The following TMEM81 variants were observed in gnomAD, a reference collection of about 807,000 sequenced individuals.
TMEM81 encodes the protein transmembrane protein 81.
For synonymous variants in TMEM81, 132 were observed against 119.1 expected (o/e 1.11, Z -0.71); for missense variants, 294 against 300.5 (o/e 0.98, Z 0.16).
chr1:205,084,313 A>C lies in TMEM81; in HGVS notation c.8T>G (p.Val3Gly). Residue 3 changes from valine (V) to glycine (G), a missense_variant, in exon 1 of 1, where the codon GTT (valine) becomes GGT (glycine). Coordinates refer to ENST00000367167, the MANE Select transcript of TMEM81 (RefSeq NM_203376.2). MK[V>G]LATSFVLGSL... ...CCCAAGGACAAAACTAGTGGCTAAAACCTTCATGTCTCGGTAGGCGTTTTG... is the reference window on the plus strand; with the variant it reads ...CCCAAGGACAAAACTAGTGGCTAAACCCTTCATGTCTCGGTAGGCGTTTTG... The C allele has an allele frequency of 6.2e-7, 1 of 1,610,124 alleles. No individual in the cohort carries two copies. Among genetic ancestry groups the C allele is most frequent in the South Asian group, 1.1e-5 (1 of 90,560 alleles).
Position 205,083,718 on chromosome 1 carries a change from T to G in TMEM81, c.603A>C (p.Ile201=). ...HQSLTEDQKL[I]DEGLEVNLDS... ...CCAGATTAACTTCCAATCCCTCATC[T>G]ATTAACTTCTGATCCTCAGTAAGTG... is the stretch of plus-strand genomic sequence containing the variant. Residue 201 remains isoleucine (I), a synonymous_variant, in exon 1 of 1, where the codon ATA becomes ATC. Coordinates refer to ENST00000367167, the MANE Select transcript of TMEM81 (RefSeq NM_203376.2). 4 of 1,614,220 alleles carry G rather than the reference T, an allele frequency of 2.5e-6. No individual in the cohort carries two copies. The highest frequency in any genetic ancestry group is 3.4e-6 in the Non-Finnish European group (4 of 1,180,042).
In TMEM81 at chr1:205,083,960, A is replaced by C. The variant is rs781142983; in HGVS notation, c.361T>G (p.Trp121Gly). The change falls in exon 1 of 1, where the codon TGG (tryptophan) becomes GGG (glycine). Residue 121 changes from tryptophan to glycine, a missense_variant. Transcript: ENST00000367167. ...GAGATGACACCTCGAGCAAGTCTCC[A>C]GGTGAACCGGAAAGCTTCCTGTCCA... is the stretch of plus-strand genomic sequence containing the variant. Reference protein sequence around the residue: ...EFGQEAFRFTWRLARGVISTD... With the variant: ...EFGQEAFRFTGRLARGVISTD... 8 of 1,614,248 alleles carry C rather than the reference A, an allele frequency of 5.0e-6. No homozygotes were observed. Among genetic ancestry groups the C allele is most frequent in the Non-Finnish European group, 6.8e-6 (8 of 1,180,038 alleles).
chr1:205,084,400 T>A lies in TMEM81; in HGVS notation c.-80A>T. ...AATCCTCTATAAATCATAACTTGAT[T>A]CCTTTGACATGAGATATCCTTCAAA... is the stretch of plus-strand genomic sequence containing the variant. On this transcript the variant is annotated 5_prime_UTR_variant, in exon 1 of 1. Coordinates refer to ENST00000367167, the MANE Select transcript of TMEM81 (RefSeq NM_203376.2). 1 of 1,427,462 alleles carries A rather than the reference T, an allele frequency of 7.0e-7. No homozygotes were observed. Among genetic ancestry groups the A allele is most frequent in the Non-Finnish European group, 9.5e-7 (1 of 1,050,462 alleles). The allele number at this position is 1,427,462 out of a possible 1,614,324, so 88.4% of individuals were successfully genotyped here. A position where few individuals can be genotyped will look rare whatever the true frequency, so the allele number is the denominator to read the frequency against.
chr1:205,083,666 T>C lies in TMEM81; in HGVS notation c.655A>G (p.Lys219Glu), dbSNP rs776744147. Residue 219 changes from lysine to glutamate, a missense_variant, in exon 1 of 1, where the codon AAG becomes GAG. Transcript: ENST00000367167. ...LDSYSKPHHP[K>E]WKKKVASALG... is the part of the protein sequence containing the mutation. ...GCTGACGCCACCTTCTTTTTCCACT[T>C]TGGGTGGTGAGGCTTGGAGTAGCTG... 6.2e-7 allele frequency: 1 copy of C among 1,614,230 alleles called. No individual in the cohort carries two copies. The highest frequency in any genetic ancestry group is 1.1e-5 in the South Asian group (1 of 91,086).
In TMEM81 at chr1:205,083,452, G is replaced by C. The variant is rs1326570314; in HGVS notation, c.*101C>G. ...TTGGCTGTGGGAGTGTTCCCTCTAA[G>C]CTGATCCACTACCAGCAGCTGGAAC... On this transcript the variant is annotated 3_prime_UTR_variant, in exon 1 of 1. Transcript: ENST00000367167. The C allele has an allele frequency of 9.7e-6, 13 of 1,346,562 alleles. No individual in the cohort carries two copies. The highest frequency in any genetic ancestry group is 1.2e-5 in the Non-Finnish European group (12 of 985,630). 83.4% of individuals were successfully genotyped at this position (1,346,562 alleles called of 1,614,324 possible).
Position 205,083,149 on chromosome 1 carries a change from G to GA in TMEM81, c.*403dup, listed in dbSNP as rs1027841493. ...ACAGCTACTGTGAATTACTTTTATTGAAAAAAAATGTTCACTAAAAAGGCT... is the reference window on the plus strand; with the variant it reads ...ACAGCTACTGTGAATTACTTTTATTGAAAAAAAAATGTTCACTAAAAAGGCT... On this transcript the variant is annotated 3_prime_UTR_variant, in exon 1 of 1. Coordinates refer to ENST00000367167, the MANE Select transcript of TMEM81 (RefSeq NM_203376.2). 6.0e-5 allele frequency: 10 copies of GA among 165,684 alleles called. No individual in the cohort carries two copies. The highest frequency in any genetic ancestry group is 1.0e-4 in the Non-Finnish European group (8 of 77,758). 10.3% of individuals were successfully genotyped at this position (165,684 alleles called of 1,614,324 possible). A position where few individuals can be genotyped will look rare whatever the true frequency, so the allele number is the denominator to read the frequency against.
chr1:205,083,567 C>G lies in TMEM81; in HGVS notation c.754G>C (p.Gly252Arg). The part of the protein sequence containing the change: ...VRIVLCALRG[G>R]LQQ ...TCTTGAAGCTGTCACTGCTGCAGGC[C>G]CCCCCTTAGCGCACAGAGGACAATC... Residue 252 changes from glycine to arginine, a missense_variant, in exon 1 of 1, where the codon GGC becomes CGC. Coordinates refer to ENST00000367167, the MANE Select transcript of TMEM81 (RefSeq NM_203376.2). The G allele has an allele frequency of 1.2e-6, 2 of 1,604,562 alleles. No individual in the cohort carries two copies. The highest frequency in any genetic ancestry group is 1.7e-6 in the Non-Finnish European group (2 of 1,173,380).
chr1:205,084,089 G>A lies in TMEM81; in HGVS notation c.232C>T (p.Arg78Cys), dbSNP rs780896836. Residue 78 changes from arginine to cysteine, a missense_variant, in exon 1 of 1, where the codon CGC becomes TGC. By Grantham distance (180) the Arg-to-Cys change is radical. Transcript: ENST00000367167. Reference sequence around the variant, plus strand: ...ATCCAGTTGGTCAGACATTCTAAGCGCCGAGTCTGACATTTCCTTCTCACT... The same window carrying A: ...ATCCAGTTGGTCAGACATTCTAAGCACCGAGTCTGACATTTCCTTCTCACT... ...DGVRRKCQTR[R>C]LECLTNWICG... is the part of the protein sequence containing the mutation. 1.2e-6 allele frequency: 2 copies of A among 1,614,166 alleles called. No homozygotes were observed. The highest frequency in any genetic ancestry group is 8.5e-7 in the Non-Finnish European group (1 of 1,180,028).
chr1:205,083,351 C>T lies in TMEM81; in HGVS notation c.*202G>A, dbSNP rs1655057167. On this transcript the variant is annotated 3_prime_UTR_variant, in exon 1 of 1. Coordinates refer to ENST00000367167, the MANE Select transcript of TMEM81 (RefSeq NM_203376.2). ...GGGCAGGGAAGATCAGGAAGAGATC[C>T]ATGGGACATAAGGAAGTTAGGTTAC... is the stretch of plus-strand genomic sequence containing the variant. The T allele has an allele frequency of 7.2e-6, 4 of 559,236 alleles. No homozygotes were observed. The highest frequency in any genetic ancestry group is 6.9e-5 in the Admixed American group (2 of 29,106). The allele number at this position is 559,236 out of a possible 1,614,324, so 34.6% of individuals were successfully genotyped here.
rs1259485077 is a variant in TMEM81, at chr1:205,083,728, T to C, written c.593A>G (p.Gln198Arg). 3 of 1,614,142 alleles carry C rather than the reference T, an allele frequency of 1.9e-6. No homozygotes were observed. In the East Asian group the frequency reaches 6.7e-5, roughly 36 times the overall value. The change falls in exon 1 of 1, where the codon CAG (glutamine) becomes CGG (arginine). Residue 198 changes from glutamine (Q) to arginine (R), a missense_variant. Coordinates refer to ENST00000367167, the MANE Select transcript of TMEM81 (RefSeq NM_203376.2). ...TTCCAATCCCTCATCTATTAACTTC[T>C]GATCCTCAGTAAGTGACTGATGGAA... The part of the protein sequence containing the change: ...LNFHQSLTED[Q>R]KLIDEGLEVN...
chr1:205,084,394 C>A lies in TMEM81; in HGVS notation c.-74G>T. ...CAGCTGAATCCTCTATAAATCATAA[C>A]TTGATTCCTTTGACATGAGATATCC... is the stretch of plus-strand genomic sequence containing the variant. On this transcript the variant is annotated 5_prime_UTR_variant, in exon 1 of 1. Coordinates refer to ENST00000367167, the MANE Select transcript of TMEM81 (RefSeq NM_203376.2). 2 of 1,467,960 alleles carry A rather than the reference C, an allele frequency of 1.4e-6. No homozygotes were observed. The highest frequency in any genetic ancestry group is 1.8e-6 in the Non-Finnish European group (2 of 1,085,018). 90.9% of individuals were successfully genotyped at this position (1,467,960 alleles called of 1,614,324 possible).
Position 205,084,001 on chromosome 1 carries a change from G to C in TMEM81, c.320C>G (p.Ser107Ter). The change falls in exon 1 of 1, where the codon TCA becomes TGA. Residue 107 changes from serine to a stop codon, truncating the protein, a stop_gained. Coordinates refer to ENST00000367167, the MANE Select transcript of TMEM81 (RefSeq NM_203376.2). LOFTEE classifies it low-confidence loss of function (END_TRUNC). ...TTCCTGTCCAAACTCCAAGATGTCT[G>C]AACTCAGACAGCTAAGCTCAAATTC... ...GKEFELSCLS[S>*]DILEFGQEAF... 1 of 1,614,202 alleles carries C rather than the reference G, an allele frequency of 6.2e-7. No homozygotes were observed.
In TMEM81 at chr1:205,084,365, A is replaced by G; in HGVS notation, c.-45T>C. ...CACCCTCAGCCAGCACCCACAAGGTATTCCAGCTGAATCCTCTATAAATCA... is the reference window on the plus strand; with the variant it reads ...CACCCTCAGCCAGCACCCACAAGGTGTTCCAGCTGAATCCTCTATAAATCA... On this transcript the variant is annotated 5_prime_UTR_variant, in exon 1 of 1. Coordinates refer to ENST00000367167, the MANE Select transcript of TMEM81 (RefSeq NM_203376.2). 1 of 1,566,534 alleles carries G rather than the reference A, an allele frequency of 6.4e-7. No homozygotes were observed. Among genetic ancestry groups the G allele is most frequent in the Non-Finnish European group, 8.6e-7 (1 of 1,157,542 alleles).
rs16855059 is a variant in TMEM81, at chr1:205,084,022, A to G, written c.299T>C (p.Phe100Ser). ...GTCTGAACTCAGACAGCTAAGCTCA[A>G]ATTCCTTGCCAATGAGAATGGTGAA... ...LHFTILIGKEFELSCLSSDIL... is the reference protein window; with the variant it reads ...LHFTILIGKESELSCLSSDIL... Residue 100 changes from phenylalanine to serine, a missense_variant, in exon 1 of 1, where the codon TTT (phenylalanine) becomes TCT (serine). By Grantham distance (155) the Phe-to-Ser change is radical. Coordinates refer to ENST00000367167, the MANE Select transcript of TMEM81 (RefSeq NM_203376.2). 0.051 allele frequency: 82,032 copies of G among 1,614,058 alleles called. 4,449 individuals are homozygous for G. The highest frequency in any genetic ancestry group is 0.24 in the African/African-American group (17,805 of 74,986).
rs557171706 is a variant in TMEM81, at chr1:205,083,380, G to A, written c.*173C>T. Reference sequence around the variant, plus strand: ...GGACATAAGGAAGTTAGGTTACTGCGCATAGCTCCCAGGAGATTGTCCCCT... The same window carrying A: ...GGACATAAGGAAGTTAGGTTACTGCACATAGCTCCCAGGAGATTGTCCCCT... On this transcript the variant is annotated 3_prime_UTR_variant, in exon 1 of 1. Transcript: ENST00000367167. The A allele has an allele frequency of 7.7e-5, 53 of 692,488 alleles. No individual in the cohort carries two copies. Among genetic ancestry groups the A allele is most frequent in the South Asian group, 7.3e-4 (32 of 43,576 alleles). 42.9% of individuals were successfully genotyped at this position (692,488 alleles called of 1,614,324 possible). A position where few individuals can be genotyped will look rare whatever the true frequency, so the allele number is the denominator to read the frequency against.
Position 205,084,259 on chromosome 1 carries a change from A to G in TMEM81, c.62T>C (p.Leu21Ser), listed in dbSNP as rs1312012101. 2 of 1,613,908 alleles carry G rather than the reference A, an allele frequency of 1.2e-6. No homozygotes were observed. The highest frequency in any genetic ancestry group is 3.3e-5 in the Admixed American group (2 of 59,984). The part of the protein sequence containing the change: ...GSLGLAFYLP[L>S]VVTTPKTLAI... ...CAGTGTTTTAGGTGTAGTCACCACC[A>G]AAGGCAGGTAGAAGGCCAACCCCAG... Residue 21 changes from leucine to serine, a missense_variant, in exon 1 of 1, where the codon TTG becomes TCG. Coordinates refer to ENST00000367167, the MANE Select transcript of TMEM81 (RefSeq NM_203376.2).
Position 205,083,743 on chromosome 1 carries a change from G to T in TMEM81, c.578C>A (p.Ser193Ter). The stretch of plus-strand genomic sequence containing the variant: ...TATTAACTTCTGATCCTCAGTAAGT[G>T]ACTGATGGAAATTCAGATTCACCAA... ...PNLVNLNFHQ[S>*]LTEDQKLIDE... The change falls in exon 1 of 1, where the codon TCA (serine) becomes TAA (stop). Residue 193 changes from serine to a stop codon, truncating the protein, a stop_gained. Coordinates refer to ENST00000367167, the MANE Select transcript of TMEM81 (RefSeq NM_203376.2). LOFTEE classifies it low-confidence loss of function (END_TRUNC). The T allele has an allele frequency of 6.2e-7, 1 of 1,614,166 alleles. No individual in the cohort carries two copies. The highest frequency in any genetic ancestry group is 1.1e-5 in the South Asian group (1 of 91,064).
rs1655054128 is a variant in TMEM81, at chr1:205,083,174, T to G, written c.*379A>C. The G allele has an allele frequency of 5.3e-6, 1 of 188,870 alleles. No individual in the cohort carries two copies. Among genetic ancestry groups the G allele is most frequent in the African/African-American group, 2.3e-5 (1 of 42,824 alleles). The allele number at this position is 188,870 out of a possible 1,614,324, so 11.7% of individuals were successfully genotyped here. On this transcript the variant is annotated 3_prime_UTR_variant, in exon 1 of 1. Coordinates refer to ENST00000367167, the MANE Select transcript of TMEM81 (RefSeq NM_203376.2). ...GAAAAAAAATGTTCACTAAAAAGGC[T>G]GAATACATCCCTCTACATGAATACA...
chr1:205,084,040 A>G lies in TMEM81; in HGVS notation c.281T>C (p.Ile94Thr). The G allele has an allele frequency of 1.2e-6, 2 of 1,614,226 alleles. No homozygotes were observed. Among genetic ancestry groups the G allele is most frequent in the African/African-American group, 2.7e-5 (2 of 75,054 alleles). Residue 94 changes from isoleucine (I) to threonine (T), a missense_variant, in exon 1 of 1, where the codon ATT (isoleucine) becomes ACT (threonine). Ile to Thr is a moderately conservative substitution (Grantham distance 89). Coordinates refer to ENST00000367167, the MANE Select transcript of TMEM81 (RefSeq NM_203376.2). ...AAGCTCAAATTCCTTGCCAATGAGA[A>G]TGGTGAAATGGAGCATCCCACAGAT... ...NWICGMLHFT[I>T]LIGKEFELSC...
Sources: allele counts gnomAD v4.1 joint callset, GRCh38; gene constraint gnomAD v4.1.1; transcripts MANE v1.5; gene names NCBI Gene and HGNC (gene_info 2026-07-23, HGNC 2026-07-21).